ZBTB20: variants seen among roughly 807,000 people sequenced by gnomAD.
ZBTB20 encodes the protein zinc finger and BTB domain containing 20.
ZBTB20 carries 9 observed loss-of-function variants against 56.9 expected under a neutral mutation model. The ratio of observed to expected loss-of-function variants is 0.16; its 90% CI spans 0.10 to 0.28. ZBTB20 has a LOEUF of 0.28. ZBTB20 is among the 10% of genes least tolerant of loss of function. The pLI is 1.00. For synonymous variants in ZBTB20, 417 were observed against 420.7 expected, an observed-to-expected ratio of 0.99 and a Z score of 0.11; for missense variants, 655 against 1,003.0, an observed-to-expected ratio of 0.65 and a Z score of 4.69.
intron 1 of ZBTB20, among the ~76,000 whole-genome samples, chr3:115,126,590 A>G (rs1163310209): frequency 1.3e-5 from 2 of 152,210 alleles, no homozygotes; most frequent in East Asian, 3.8e-4. Context: ...TTGAAAAAAA[A>G]GCAAATTCTA....
intron 7 of ZBTB20, among the ~76,000 whole-genome samples, chr3:114,417,251 T>C (rs1209365143): frequency 1.3e-5 from 2 of 152,080 alleles, no homozygotes; most frequent in African/African-American, 2.4e-5. Context: ...TCTGGTATTT[T>C]GAAACAAACA....
chr3:114,669,180 C>A (rs2061225621), intron 6 of ZBTB20, among the ~76,000 whole-genome samples: 1 of 151,998 alleles, frequency 6.6e-6, no homozygotes, highest in Non-Finnish European at 1.5e-5. Context: ...CACTAAACAT[C>A]CTACAGTGCA....
chr3:115,138,244 T>C (rs1312068505), intron 1 of ZBTB20, among the ~76,000 whole-genome samples: 4 of 152,064 alleles, frequency 2.6e-5, no homozygotes, highest in Non-Finnish European at 5.9e-5. Context: ...CTCCTACCCA[T>C]GATTTCCAAG....
At chr3:114,521,450 C>A (rs1479859415) in intron 6 of ZBTB20, among the ~76,000 whole-genome samples, 3 of 152,116 alleles carry the variant, frequency 2.0e-5, no homozygotes, top group South Asian at 2.1e-4. Flanking sequence ...CACTTTATAG[C>A]CTGATAAAGG....
chr3:114,383,514 T>C (rs1301653766), intron 8 of ZBTB20: 2 of 152,224 alleles, frequency 1.3e-5, no homozygotes, highest in East Asian at 1.9e-4. Context: ...TGGGAGAATA[T>C]TGATAGCACA....
Position 114,320,668 on chromosome 3 carries a change from G to A in ZBTB20, c.*18337C>T, listed in dbSNP as rs1300612280. ...TTATATCTTTAAAATGAACAAATTT[G>A]TTTTTATATTTTTGGTCTACAGTAG... is the stretch of plus-strand genomic sequence containing the variant. On this transcript the variant is annotated 3_prime_UTR_variant, in exon 12 of 12. Transcript: ENST00000675478. 1 of 151,806 alleles carries A rather than the reference G, an allele frequency of 6.6e-6. No individual in the cohort carries two copies. The highest frequency in any genetic ancestry group is 1.9e-4 in the East Asian group (1 of 5,192). 9.4% of individuals were successfully genotyped at this position (151,806 alleles called of 1,614,324 possible).
At chr3:115,134,907 C>G (rs2084613575) in intron 1 of ZBTB20, among the ~76,000 whole-genome samples, 1 of 152,226 alleles carries the variant, frequency 6.6e-6, no homozygotes, top group Non-Finnish European at 1.5e-5. Flanking sequence ...GGCACATGGA[C>G]AAAGAGCTCT....
At chr3:114,988,297 G>A (rs1187839010) in intron 2 of ZBTB20, among the ~76,000 whole-genome samples, 3 of 138,172 alleles carry the variant, frequency 2.2e-5, no homozygotes, top group African/African-American at 8.2e-5. Context: ...TCCCCTTCCG[G>A]TGTCCACGTG....
intron 2 of ZBTB20, among the ~76,000 whole-genome samples, chr3:114,982,481 T>C (rs1392555052): frequency 6.6e-6 from 1 of 152,068 alleles, no homozygotes; most frequent in Non-Finnish European, 1.5e-5. Flanking sequence ...TCTTTACACA[T>C]TGAGTAATTC....
Position 114,866,326 on chromosome 3 carries a change from C to T in ZBTB20, c.-417+33978G>A, listed in dbSNP as rs144415571. On this transcript the variant is annotated intron_variant, in intron 4 of 11. Coordinates refer to ENST00000675478, the MANE Select transcript of ZBTB20 (RefSeq NM_001348800.3). ...TTGCCTATTGTTATACAGTAAGGGGCGAAGACAGAATTCTAGTAAGGGCAA... is the reference window on the plus strand; with the variant it reads ...TTGCCTATTGTTATACAGTAAGGGGTGAAGACAGAATTCTAGTAAGGGCAA... 9.1e-4 allele frequency among the ~76,000 whole-genome samples: 138 copies of T among 152,084 alleles called. 1 individual carries two copies. The highest frequency in any genetic ancestry group is 3.1e-3 in the African/African-American group (127 of 41,460).
chr3:115,123,391 ATAAT>A (rs1210709607), intron 1 of ZBTB20, among the ~76,000 whole-genome samples: 1 of 152,226 alleles, frequency 6.6e-6, no homozygotes. Context: ...ATCTGATCAT[ATAAT>A]TTATTTTAGA....
intron 1 of ZBTB20, among the ~76,000 whole-genome samples, chr3:115,075,180 G>A (rs1281796208): frequency 6.6e-6 from 1 of 152,028 alleles, no homozygotes; most frequent in Non-Finnish European, 1.5e-5. Context: ...TTTTAAGTGT[G>A]CAGTATTGTT....
chr3:114,996,980 A>G (rs1313461382), intron 2 of ZBTB20, among the ~76,000 whole-genome samples: 2 of 151,864 alleles, frequency 1.3e-5, no homozygotes, highest in Non-Finnish European at 2.9e-5. Context: ...AAGTCAGGAA[A>G]CAACAGATGC....
At chr3:114,444,398 C>G (rs1269135485) in intron 7 of ZBTB20, among the ~76,000 whole-genome samples, 1 of 152,128 alleles carries the variant, frequency 6.6e-6, no homozygotes, top group Non-Finnish European at 1.5e-5. Flanking sequence ...ATGCCTTATC[C>G]TCATCACACA....
chr3:114,340,585 T>G (rs2079684336), intron 11 of ZBTB20, among the ~76,000 whole-genome samples: 1 of 152,206 alleles, frequency 6.6e-6, no homozygotes, highest in East Asian at 1.9e-4. Flanking sequence ...CATGGGTCCG[T>G]GACATCTCTT....
At chr3:114,898,595 T>C (rs1440886496) in intron 4 of ZBTB20, among the ~76,000 whole-genome samples, 2 of 152,140 alleles carry the variant, frequency 1.3e-5, no homozygotes, top group Non-Finnish European at 2.9e-5. Flanking sequence ...AAATGTTTTA[T>C]TCATAAATGC....
chr3:114,530,153 A>C (rs1004965425), intron 6 of ZBTB20, among the ~76,000 whole-genome samples: 1 of 152,230 alleles, frequency 6.6e-6, no homozygotes, highest in African/African-American at 2.4e-5. Context: ...AGGAGTATAC[A>C]GTAATGTCCT....
At chr3:114,818,552 T>C (rs1228433579) in intron 4 of ZBTB20, among the ~76,000 whole-genome samples, 1 of 151,948 alleles carries the variant, frequency 6.6e-6, no homozygotes, top group Non-Finnish European at 1.5e-5. Context: ...GAAAAATACA[T>C]CTCAAGAAAA....
At chr3:114,909,177 T>C (rs6806245) in intron 3 of ZBTB20, among the ~76,000 whole-genome samples, 114,578 of 151,836 alleles carry the variant, frequency 0.75, 47,428 homozygotes, top group East Asian at 0.99. Flanking sequence ...TGGGACAAGA[T>C]GTAGAGGTGG....
Sources: allele counts gnomAD v4.1 joint callset (sites outside exome capture counted in the v4.1 genomes callset), GRCh38; gene constraint gnomAD v4.1.1; transcripts MANE v1.5; gene names NCBI Gene and HGNC (gene_info 2026-07-23, HGNC 2026-07-21).